The following PDE9A variants were observed in gnomAD, a reference collection of about 807,000 sequenced individuals.
The protein encoded by PDE9A is high affinity cGMP-specific 3',5'-cyclic phosphodiesterase 9A.
Under a neutral mutation model 87.4 loss-of-function variants are expected in PDE9A, and 60 were observed. The observed-to-expected ratio is 0.69, with a 90% CI of 0.56 to 0.85. The LOEUF (loss-of-function observed/expected upper bound fraction) is 0.85, where lower values mean the gene tolerates loss of function less well. Ranked by LOEUF, PDE9A falls within the 40% of genes least tolerant of loss-of-function variation. The pLI is 0.00. For synonymous variants in PDE9A, 272 were observed against 279.4 expected (o/e 0.97, Z 0.27); for missense variants, 665 against 779.0 (o/e 0.85, Z 1.74).
intron 3 of PDE9A, among the ~76,000 whole-genome samples, chr21:42,690,967 C>T (rs1360840822): frequency 6.6e-6 from 1 of 151,978 alleles, no homozygotes; most frequent in Admixed American, 6.6e-5. Context: ...CACCCAGACC[C>T]ATCACCATCA....
At chr21:42,700,675 G>A (rs1199774148) in intron 4 of PDE9A, 1 of 152,144 alleles carries the variant, frequency 6.6e-6, no homozygotes, top group African/African-American at 2.4e-5. Flanking sequence ...AAAAACCGAG[G>A]TTCGTTTTCT....
chr21:42,756,526 T>C (rs1014028995), intron 10 of PDE9A, among the ~76,000 whole-genome samples: 3 of 152,196 alleles, frequency 2.0e-5, no homozygotes, highest in Admixed American at 2.0e-4. Flanking sequence ...CAGGCTGCTG[T>C]GTCCTCCCAT....
chr21:42,660,757 C>T lies in PDE9A; in HGVS notation c.69+6874C>T, dbSNP rs2057422801. On this transcript the variant is annotated intron_variant, in intron 1 of 19. Transcript: ENST00000291539. The surrounding 1 kb of genome is among the most constrained non-coding windows in gnomAD (Gnocchi z 4.7). ...ACAGTCATGCCATGGGCACCAGGGACGCCCAGTGCACTCAGCCACCCAGGG... is the reference window on the plus strand; with the variant it reads ...ACAGTCATGCCATGGGCACCAGGGATGCCCAGTGCACTCAGCCACCCAGGG... Among the ~76,000 whole-genome samples, 2 of 152,252 alleles carry T rather than the reference C, an allele frequency of 1.3e-5. No individual in the cohort carries two copies. The highest frequency in any genetic ancestry group is 6.5e-5 in the Admixed American group (1 of 15,302).
intron 9 of PDE9A, among the ~76,000 whole-genome samples, chr21:42,751,840 G>A (rs972643012): frequency 6.7e-6 from 1 of 148,856 alleles, no homozygotes; most frequent in African/African-American, 2.5e-5. Flanking sequence ...TCTGCCTCCT[G>A]GGTTCAAGCA....
intron 7 of PDE9A, among the ~76,000 whole-genome samples, chr21:42,737,958 T>C (rs2052641475): frequency 1.3e-5 from 2 of 152,258 alleles, no homozygotes; most frequent in South Asian, 4.1e-4. Context: ...ATACAAAGTT[T>C]AGCCTTGTTC....
Position 42,760,386 on chromosome 21 carries a change from G to T in PDE9A, c.956G>T (p.Cys319Phe). The change falls in exon 12 of 20, where the codon TGC becomes TTC. Residue 319 changes from cysteine (C) to phenylalanine (F), a missense_variant. Cys to Phe is a radical substitution (Grantham distance 205). Coordinates refer to ENST00000291539, the MANE Select transcript of PDE9A (RefSeq NM_002606.3). The surrounding 1 kb of genome is among the most constrained non-coding windows in gnomAD (Gnocchi z 5.2). ...NPFHNFRHCF[C>F]VAQMMYSMVW... ...TTCCACAACTTCCGGCACTGCTTCTGCGTGGCCCAGATGATGTACAGCATG... is the reference window on the plus strand; with the variant it reads ...TTCCACAACTTCCGGCACTGCTTCTTCGTGGCCCAGATGATGTACAGCATG... 1 of 1,609,676 alleles carries T rather than the reference G, an allele frequency of 6.2e-7. No individual in the cohort carries two copies. The highest frequency in any genetic ancestry group is 8.5e-7 in the Non-Finnish European group (1 of 1,179,512).
At position 42,760,310 on chromosome 21, in the gene PDE9A, ACCCC is replaced by A. The variant is rs775427499; in HGVS notation, c.898-16_898-13del. The A allele has an allele frequency of 1.3e-6, 2 of 1,502,682 alleles. No individual in the cohort carries two copies. The highest frequency in any genetic ancestry group is 2.2e-5 in the South Asian group (2 of 89,608). The allele number at this position is 1,502,682 out of a possible 1,614,324, so 93.1% of individuals were successfully genotyped here. ...CGGGCCCAGGCACAGGGTGACTCGG[ACCCC>A]CTGCCTCCCGCAGTTCTGCGTCCAC... is the stretch of plus-strand genomic sequence containing the variant. On this transcript the variant is annotated splice_polypyrimidine_tract_variant and intron_variant, in intron 11 of 19. Transcript: ENST00000291539. This position sits in a 1 kb window ranked among gnomAD's most constrained non-coding sequence, Gnocchi z 5.2.
chr21:42,770,624 C>A, intron 17 of PDE9A, 79 bp from the exon 18 acceptor site: 1 of 1,123,582 alleles, frequency 8.9e-7, no homozygotes, highest in Non-Finnish European at 1.4e-6. Context: ...GCACGGAGCA[C>A]CTGACACCTG....
At chr21:42,766,305 A>G (rs1203407849) in intron 15 of PDE9A, among the ~76,000 whole-genome samples, 1 of 152,176 alleles carries the variant, frequency 6.6e-6, no homozygotes, top group Non-Finnish European at 1.5e-5. Context: ...AGCCTGGGCA[A>G]CAGAGCAAGG....
intron 1 of PDE9A, among the ~76,000 whole-genome samples, chr21:42,656,647 C>G (rs1344507519): frequency 1.3e-5 from 2 of 152,174 alleles, no homozygotes; most frequent in Non-Finnish European, 2.9e-5. Context: ...GGTGTCACAT[C>G]ACCAGAGTGA....
Position 42,768,350 on chromosome 21 carries a change from A to C in PDE9A, c.1461+58A>C. The C allele has an allele frequency of 2.1e-5, 25 of 1,210,692 alleles. No homozygotes were observed. In the South Asian group the frequency reaches 3.0e-4, roughly 15 times the overall value. The allele number at this position is 1,210,692 out of a possible 1,614,324, so 75.0% of individuals were successfully genotyped here. ...CCACTCTTATTAGCCCCACTTAGTA[A>C]GGGTTTGCGTTAAACGAGCACGCCT... On this transcript the variant is annotated intron_variant, in intron 16 of 19. Coordinates refer to ENST00000291539, the MANE Select transcript of PDE9A (RefSeq NM_002606.3).
chr21:42,764,377 A>T (rs1222676608), intron 14 of PDE9A, among the ~76,000 whole-genome samples: 1 of 152,202 alleles, frequency 6.6e-6, no homozygotes, highest in African/African-American at 2.4e-5. Context: ...GGCTACGATA[A>T]GCTGTGGCAA....
rs2057572604 is a variant in PDE9A at position 42,662,413 on chromosome 21, C to T, written c.69+8530C>T. ...AGAAAGATGCCCTCCATGCCCCTTC[C>T]GACTGTTGCAGAGGGATGGAGGACT... On this transcript the variant is annotated intron_variant, in intron 1 of 19. Transcript: ENST00000291539. Among the ~76,000 whole-genome samples, 5 of 152,094 alleles carry T rather than the reference C, an allele frequency of 3.3e-5. No homozygotes were observed. In the South Asian group the frequency reaches 1.0e-3, roughly 32 times the overall value.
At chr21:42,707,012 G>A (rs2048898703) in intron 4 of PDE9A, among the ~76,000 whole-genome samples, 1 of 152,142 alleles carries the variant, frequency 6.6e-6, no homozygotes, top group East Asian at 1.9e-4. Flanking sequence ...ACGTGGCTAC[G>A]TCACGTTTGG....
At chr21:42,707,690 G>C (rs978320925) in intron 4 of PDE9A, among the ~76,000 whole-genome samples, 19 of 152,136 alleles carry the variant, frequency 1.2e-4, no homozygotes, top group African/African-American at 4.6e-4. Flanking sequence ...CTCCAAGACA[G>C]GTCAAGCCCC....
chr21:42,753,591 G>A (rs1438177227), intron 9 of PDE9A, among the ~76,000 whole-genome samples: 3 of 151,902 alleles, frequency 2.0e-5, no homozygotes, highest in African/African-American at 7.3e-5. Context: ...AGCTGGGTGC[G>A]GTGGCTCACA....
Position 42,759,020 on chromosome 21 carries a change from A to G in PDE9A, c.832A>G (p.Met278Val). The change falls in exon 11 of 20, where the codon ATG becomes GTG. Residue 278 changes from methionine to valine, a missense_variant. By Grantham distance (21) the Met-to-Val change is conservative. Coordinates refer to ENST00000291539, the MANE Select transcript of PDE9A (RefSeq NM_002606.3). This position sits in a 1 kb window ranked among gnomAD's most constrained non-coding sequence, Gnocchi z 7.2. Reference protein sequence around the residue: ...PNEMLSCLEHMYHDLGLVRDF... With the variant: ...PNEMLSCLEHVYHDLGLVRDF... ...ACAGATGCTGAGCTGCCTGGAGCAC[A>G]TGTACCACGACCTCGGGCTGGTCAG... The G allele has an allele frequency of 6.2e-7, 1 of 1,614,056 alleles. No homozygotes were observed. Among genetic ancestry groups the G allele is most frequent in the South Asian group, 1.1e-5 (1 of 91,082 alleles).
At chr21:42,728,367 TCTC>T (rs200876177) in intron 4 of PDE9A, among the ~76,000 whole-genome samples, 2,588 of 152,294 alleles carry the variant, frequency 0.017, 52 homozygotes, top group South Asian at 0.047. Context: ...TTGAAGAAGT[TCTC>T]CTCCATTCCT....
At chr21:42,721,380 C>G (rs1020577339) in intron 4 of PDE9A, among the ~76,000 whole-genome samples, 9 of 152,194 alleles carry the variant, frequency 5.9e-5, no homozygotes, top group Non-Finnish European at 1.2e-4. Flanking sequence ...GGTTGATTTT[C>G]CTTTCTTCGT....
Sources: gnomAD v4.1 joint callset for allele counts (sites outside exome capture counted in the v4.1 genomes callset) on GRCh38, gnomAD v4.1.1 for gene constraint, Gnocchi (gnomAD v3.1) non-coding constraint, MANE v1.5 for transcripts, NCBI Gene and HGNC (gene_info 2026-07-23, HGNC 2026-07-21) for gene names.